Variants in PPP2R5E observed in about 807,000 individuals in gnomAD.
PPP2R5E encodes the protein serine/threonine-protein phosphatase 2A 56 kDa regulatory subunit epsilon isoform.
Under a neutral mutation model 65.3 loss-of-function variants are expected in PPP2R5E, and 4 were observed. That is an observed-to-expected ratio of 0.06 (90% CI 0.03 to 0.14). PPP2R5E has a LOEUF of 0.14. Among genes scored for constraint, PPP2R5E ranks in the 10% least tolerant of loss-of-function variants. PPP2R5E has a pLI of 1.00. For missense variants in PPP2R5E, 274 were observed against 556.1 expected, an observed-to-expected ratio of 0.49 and a Z score of 5.10; for synonymous variants, 183 against 187.4, an observed-to-expected ratio of 0.98 and a Z score of 0.19.
At chr14:63,422,997 T>C (rs369930610) in intron 3 of PPP2R5E, among the ~76,000 whole-genome samples, 12 of 152,346 alleles carry the variant, frequency 7.9e-5, no homozygotes, top group African/African-American at 2.9e-4. Flanking sequence ...TAAACAATGG[T>C]TGTTCAAAAC....
intron 2 of PPP2R5E, among the ~76,000 whole-genome samples, chr14:63,489,438 G>T (rs1278430348): frequency 2.0e-5 from 3 of 147,844 alleles, no homozygotes; most frequent in South Asian, 2.1e-4. Flanking sequence ...TTGAGACAGA[G>T]TCTCACTCTC....
At chr14:63,459,009 T>C (rs1471882840) in intron 2 of PPP2R5E, among the ~76,000 whole-genome samples, 1 of 152,172 alleles carries the variant, frequency 6.6e-6, no homozygotes, top group African/African-American at 2.4e-5. Context: ...TCTTAAGATG[T>C]ACAAATCCTC....
In PPP2R5E at chr14:63,393,750, C is replaced by T. The variant is rs151206583; in HGVS notation, c.849+70G>A. ...CAAAAAAACAAAATGAAGGTTATAT[C>T]AATATCAAAAAAACGAGTTTGCAAA... On this transcript the variant is annotated intron_variant, in intron 8 of 13. Transcript: ENST00000337537. The T allele has an allele frequency of 9.4e-4, 987 of 1,051,356 alleles. 9 individuals carry two copies. The African/African-American group carries it at 0.013, about 14-fold the overall frequency. The allele number at this position is 1,051,356 out of a possible 1,614,324, so 65.1% of individuals were successfully genotyped here.
At chr14:63,467,535 T>C (rs1889898585) in intron 2 of PPP2R5E, among the ~76,000 whole-genome samples, 1 of 152,114 alleles carries the variant, frequency 6.6e-6, no homozygotes, top group African/African-American at 2.4e-5. Flanking sequence ...TATCTTCCAC[T>C]TAAGGAGCCA....
intron 2 of PPP2R5E, among the ~76,000 whole-genome samples, chr14:63,493,225 C>A (rs1891369746): frequency 6.6e-6 from 1 of 150,422 alleles, no homozygotes; most frequent in Non-Finnish European, 1.5e-5. Context: ...TTTTTTTTAA[C>A]CCCAAACTCC....
At chr14:63,492,282 T>C (rs779721525) in intron 2 of PPP2R5E, among the ~76,000 whole-genome samples, 4 of 152,282 alleles carry the variant, frequency 2.6e-5, no homozygotes, top group Non-Finnish European at 5.9e-5. Flanking sequence ...GAGATCTTCC[T>C]TTTTATTCAA....
chr14:63,508,714 G>A (rs969720534), intron 2 of PPP2R5E, among the ~76,000 whole-genome samples: 23 of 152,344 alleles, frequency 1.5e-4, no homozygotes, highest in Admixed American at 5.2e-4. Flanking sequence ...GAGTCCAGAA[G>A]AGACCCACAA....
At position 63,374,871 on chromosome 14, in the gene PPP2R5E, CATA is replaced by C. The variant is rs965823904; in HGVS notation, c.*1135_*1137del. ...AGGAATATGCATCCAATTCAGAATG[CATA>C]ATAATGTTTATCCTGAATCCTTTCC... On this transcript the variant is annotated 3_prime_UTR_variant, in exon 14 of 14. Transcript: ENST00000337537. 6.6e-6 allele frequency: 1 copy of C among 152,044 alleles called. No homozygotes were observed. Among genetic ancestry groups the C allele is most frequent in the Non-Finnish European group, 1.5e-5 (1 of 67,926 alleles). The allele number at this position is 152,044 out of a possible 1,614,324, so 9.4% of individuals were successfully genotyped here.
chr14:63,391,561 C>T (rs8017758), intron 10 of PPP2R5E, among the ~76,000 whole-genome samples: 22,744 of 152,080 alleles, frequency 0.15, 2,404 homozygotes, highest in East Asian at 0.49. Context: ...GTAGCTGGGA[C>T]TACAGGCATG....
At chr14:63,463,187 C>T (rs943925884) in intron 2 of PPP2R5E, among the ~76,000 whole-genome samples, 2 of 150,832 alleles carry the variant, frequency 1.3e-5, no homozygotes, top group African/African-American at 4.9e-5. Context: ...GTCACCCAGG[C>T]TGGAGGCAAT....
chr14:63,535,078 T>C (rs1255148895), intron 2 of PPP2R5E, among the ~76,000 whole-genome samples: 1 of 152,158 alleles, frequency 6.6e-6, no homozygotes, highest in Non-Finnish European at 1.5e-5. Context: ...GGTGTTGCTT[T>C]CTACAGGAAA....
Position 63,382,334 on chromosome 14 carries a change from T to A in PPP2R5E, c.1203-177A>T, listed in dbSNP as rs74364297. Among the ~76,000 whole-genome samples, 1,205 of 152,270 alleles carry A rather than the reference T, an allele frequency of 7.9e-3. 6 individuals carry two copies. Among genetic ancestry groups the A allele is most frequent in the East Asian group, 0.03 (157 of 5,196 alleles). On this transcript the variant is annotated intron_variant, in intron 12 of 13. Coordinates refer to ENST00000337537, the MANE Select transcript of PPP2R5E (RefSeq NM_006246.5). ...ACAGTTCATTTCCACATCAAGAGATTTCAAGGCAAGATAATTTTCTGAGGG... is the reference window on the plus strand; with the variant it reads ...ACAGTTCATTTCCACATCAAGAGATATCAAGGCAAGATAATTTTCTGAGGG...
At chr14:63,520,384 T>C (rs553521710) in intron 2 of PPP2R5E, among the ~76,000 whole-genome samples, 1 of 152,328 alleles carries the variant, frequency 6.6e-6, no homozygotes, top group East Asian at 1.9e-4. Context: ...CTCAGCATAA[T>C]CGCTTCCTCT....
rs116892466 is a variant in PPP2R5E at position 63,514,662 on chromosome 14, T to A, written c.157+24867A>T. Reference sequence around the variant, plus strand: ...TGAAAGGAGGGTTTCCCTCAGCAGGTACTCTAAGCAGCGAAGATGAGAGGG... The same window carrying A: ...TGAAAGGAGGGTTTCCCTCAGCAGGAACTCTAAGCAGCGAAGATGAGAGGG... On this transcript the variant is annotated intron_variant, in intron 2 of 13. Coordinates refer to ENST00000337537, the MANE Select transcript of PPP2R5E (RefSeq NM_006246.5). 1.8e-4 allele frequency among the ~76,000 whole-genome samples: 27 copies of A among 152,184 alleles called. No homozygotes were observed. In the East Asian group the frequency reaches 5.2e-3, roughly 29 times the overall value.
At chr14:63,478,479 T>C (rs1417416651) in intron 2 of PPP2R5E, among the ~76,000 whole-genome samples, 1 of 152,200 alleles carries the variant, frequency 6.6e-6, no homozygotes, top group Non-Finnish European at 1.5e-5. Context: ...TTTTACACTT[T>C]TATACATCTC....
chr14:63,522,810 G>C (rs1011864540), intron 2 of PPP2R5E, among the ~76,000 whole-genome samples: 6 of 151,486 alleles, frequency 4.0e-5, no homozygotes, highest in Admixed American at 1.3e-4. Context: ...CCAGGAAGGA[G>C]GTGGGGGTCA....
chr14:63,446,035 G>T (rs954305812), intron 3 of PPP2R5E, among the ~76,000 whole-genome samples: 3 of 152,144 alleles, frequency 2.0e-5, no homozygotes, highest in African/African-American at 7.2e-5. Context: ...TAAATCCTTT[G>T]TTGTCATTTC....
intron 2 of PPP2R5E, among the ~76,000 whole-genome samples, chr14:63,519,321 G>T (rs1892789650): frequency 6.6e-6 from 1 of 152,134 alleles, no homozygotes; most frequent in African/African-American, 2.4e-5. Context: ...ATATTTGAGG[G>T]TGTATAAATG....
chr14:63,387,890 C>T (rs765023231), intron 11 of PPP2R5E, among the ~76,000 whole-genome samples: 40 of 152,124 alleles, frequency 2.6e-4, no homozygotes, highest in Non-Finnish European at 3.8e-4. Flanking sequence ...GGAAAGGCCA[C>T]GTGAGCATAC....
Sources: allele counts gnomAD v4.1 joint callset (sites outside exome capture counted in the v4.1 genomes callset), GRCh38; gene constraint gnomAD v4.1.1; transcripts MANE v1.5; gene names NCBI Gene and HGNC (gene_info 2026-07-23, HGNC 2026-07-21).